Variants in RNF115 observed in about 807,000 individuals in gnomAD.
RNF115 encodes the protein ring finger protein 115.
A neutral mutation model predicts 39.2 loss-of-function variants in RNF115; 31 were observed. The ratio of observed to expected loss-of-function variants is 0.79; its 90% confidence interval spans 0.59 to 1.07. The LOEUF (loss-of-function observed/expected upper bound fraction) is 1.07. Ranked by LOEUF, RNF115 falls within the 50% of genes least tolerant of loss-of-function variation. The pLI is 0.00. For missense variants in RNF115, 384 were observed against 381.7 expected (o/e 1.01, Z -0.05); for synonymous variants, 124 against 131.0 (o/e 0.95, Z 0.37).
chr1:145,763,285 C>A (rs587649659), intron 4 of RNF115, among the ~76,000 whole-genome samples: 68 of 152,282 alleles, frequency 4.5e-4, no homozygotes, highest in African/African-American at 1.6e-3. Flanking sequence ...ATGTACCCTA[C>A]ACAGCGAATC....
intron 1 of RNF115, among the ~76,000 whole-genome samples, chr1:145,800,167 A>G (rs1196010140): frequency 2.0e-5 from 3 of 152,194 alleles, no homozygotes; most frequent in African/African-American, 7.2e-5. Flanking sequence ...TACTGAGCAA[A>G]CTTGCGGCCA....
intron 4 of RNF115, among the ~76,000 whole-genome samples, chr1:145,770,272 C>G (rs1647574234): frequency 6.6e-6 from 1 of 151,966 alleles, no homozygotes; most frequent in African/African-American, 2.4e-5. Flanking sequence ...CAAAAGCAAA[C>G]AAGTTTAACA....
intron 3 of RNF115, among the ~76,000 whole-genome samples, chr1:145,779,667 T>G (rs781923956): frequency 1.3e-5 from 2 of 151,976 alleles, no homozygotes; most frequent in Non-Finnish European, 2.9e-5. Context: ...ATATGGGATA[T>G]TTCTTTATTT....
At chr1:145,774,224 C>T (rs782161301) in intron 3 of RNF115, among the ~76,000 whole-genome samples, 6 of 152,036 alleles carry the variant, frequency 3.9e-5, no homozygotes, top group African/African-American at 1.2e-4. Flanking sequence ...TTCCCTGATA[C>T]GAATATACCA....
chr1:145,808,134 A>C (rs1157408657), intron 1 of RNF115, among the ~76,000 whole-genome samples: 1 of 152,156 alleles, frequency 6.6e-6, no homozygotes, highest in African/African-American at 2.4e-5. Context: ...GCTGCTGTGA[A>C]TAGTACTACA....
rs1650475120 is a variant in RNF115, at chr1:145,824,078, G to T, written c.-205C>A. 1.5e-5 allele frequency: 7 copies of T among 474,434 alleles called. No individual in the cohort carries two copies. Among genetic ancestry groups the T allele is most frequent in the Non-Finnish European group, 2.2e-5 (6 of 271,374 alleles). 29.4% of individuals were successfully genotyped at this position (474,434 alleles called of 1,614,324 possible). ...GCGGCCCGCCTCCCAGCACCAAAGAGGCGCAGGAAGGAGAGACAAACGGCC... is the reference window on the plus strand; with the variant it reads ...GCGGCCCGCCTCCCAGCACCAAAGATGCGCAGGAAGGAGAGACAAACGGCC... On this transcript the variant is annotated 5_prime_UTR_variant, in exon 1 of 9. Transcript: ENST00000582693.
intron 1 of RNF115, among the ~76,000 whole-genome samples, chr1:145,802,070 G>A (rs1387144626): frequency 1.3e-5 from 2 of 152,182 alleles, no homozygotes; most frequent in Non-Finnish European, 2.9e-5. Flanking sequence ...TTACAGGCGT[G>A]AGCCACCACG....
intron 1 of RNF115, among the ~76,000 whole-genome samples, chr1:145,795,320 G>A (rs1248737233): frequency 6.6e-6 from 1 of 152,172 alleles, no homozygotes; most frequent in African/African-American, 2.4e-5. Flanking sequence ...TTACTGAGAA[G>A]AGCCAAGAAC....
At chr1:145,752,835 C>T (rs1571708147) in intron 5 of RNF115, 143 bp downstream of exon 5, 2 of 570,752 alleles carry the variant, frequency 3.5e-6, no homozygotes, top group African/African-American at 1.9e-5. Flanking sequence ...GATCCGCCAG[C>T]CTCGGCCTCC....
chr1:145,754,368 T>G (rs959159169), intron 4 of RNF115, among the ~76,000 whole-genome samples: 30 of 152,012 alleles, frequency 2.0e-4, no homozygotes, highest in African/African-American at 7.3e-4. Flanking sequence ...TTTTTTCTTT[T>G]TTTGAGATGA....
chr1:145,758,907 T>C (rs1658399402), intron 4 of RNF115, among the ~76,000 whole-genome samples: 1 of 152,152 alleles, frequency 6.6e-6, no homozygotes, highest in South Asian at 2.1e-4. Context: ...TAAAAAAAAA[T>C]CTTTTCTTGT....
chr1:145,758,540 T>C (rs2101484020), intron 4 of RNF115, among the ~76,000 whole-genome samples: 1 of 152,326 alleles, frequency 6.6e-6, no homozygotes, highest in South Asian at 2.1e-4. Context: ...GGGTAAAGTG[T>C]TACACAGCAA....
At chr1:145,819,986 T>C (rs1650163184) in intron 1 of RNF115, among the ~76,000 whole-genome samples, 1 of 149,562 alleles carries the variant, frequency 6.7e-6, no homozygotes, top group African/African-American at 2.4e-5. Context: ...TGCAGTGAGC[T>C]GAGCTCGTTC....
At chr1:145,763,191 TGTACAC>T (rs2101498346) in intron 4 of RNF115, among the ~76,000 whole-genome samples, 1 of 152,294 alleles carries the variant, frequency 6.6e-6, no homozygotes, top group South Asian at 2.1e-4. Context: ...AAACCAAACC[TGTACAC>T]GTACCCCCGA....
At chr1:145,806,164 A>G (rs1434062102) in intron 1 of RNF115, among the ~76,000 whole-genome samples, 1 of 152,144 alleles carries the variant, frequency 6.6e-6, no homozygotes, top group Non-Finnish European at 1.5e-5. Context: ...CCTGGCCAAC[A>G]GGGTGAAACC....
At chr1:145,820,408 T>C (rs1213729809) in intron 1 of RNF115, among the ~76,000 whole-genome samples, 38 of 150,768 alleles carry the variant, frequency 2.5e-4, no homozygotes, top group East Asian at 1.8e-3. Context: ...AAGAACAGCC[T>C]GGGCAACAAG....
intron 3 of RNF115, among the ~76,000 whole-genome samples, chr1:145,781,981 C>T (rs1404522490): frequency 6.6e-6 from 1 of 150,620 alleles, no homozygotes; most frequent in African/African-American, 2.5e-5. Context: ...CCGCTCACTG[C>T]AACCTCCGCC....
At chr1:145,763,001 C>G (rs782252510) in intron 4 of RNF115, among the ~76,000 whole-genome samples, 2 of 151,892 alleles carry the variant, frequency 1.3e-5, no homozygotes, top group Non-Finnish European at 2.9e-5. Context: ...CTGGAGATCA[C>G]AAAAGGGAGA....
intron 1 of RNF115, among the ~76,000 whole-genome samples, chr1:145,819,265 A>C (rs1471580993): frequency 6.5e-5 from 7 of 107,858 alleles, no homozygotes; most frequent in Admixed American, 2.6e-4. Context: ...ACGAAACCTT[A>C]TCTCTCAAAA....
Sources: allele counts gnomAD v4.1 joint callset (sites outside exome capture counted in the v4.1 genomes callset), GRCh38; gene constraint gnomAD v4.1.1; transcripts MANE v1.5; gene names NCBI Gene and HGNC (gene_info 2026-07-23, HGNC 2026-07-21).